EXOSC1: variants seen among roughly 807,000 people sequenced by gnomAD.
The protein encoded by EXOSC1 is exosome component 1, also known as exosome complex component CSL4.
EXOSC1 carries 27 observed loss-of-function variants against 31.4 expected under a neutral mutation model. The ratio of observed to expected loss-of-function variants is 0.86; its 90% CI spans 0.63 to 1.18. EXOSC1 has a LOEUF of 1.18. Ranked by LOEUF, EXOSC1 falls within the 50% of genes most tolerant of loss-of-function variation. EXOSC1 has a pLI of 0.00. For missense variants in EXOSC1, 228 were observed against 250.3 expected, an observed-to-expected ratio of 0.91 and a Z score of 0.60; for synonymous variants, 84 against 89.5, an observed-to-expected ratio of 0.94 and a Z score of 0.35.
chr10:97,438,092 T>C (rs942506765), intron 5 of EXOSC1, among the ~76,000 whole-genome samples: 4 of 152,116 alleles, frequency 2.6e-5, no homozygotes, highest in Non-Finnish European at 5.9e-5. Context: ...CTAGTTTTTA[T>C]ATTTTTAGTA....
chr10:97,436,392 G>C lies in EXOSC1; in HGVS notation c.*53C>G. The C allele has an allele frequency of 7.7e-7, 1 of 1,298,650 alleles. No individual in the cohort carries two copies. Among genetic ancestry groups the C allele is most frequent in the Non-Finnish European group, 1.1e-6 (1 of 900,866 alleles). 80.4% of individuals were successfully genotyped at this position (1,298,650 alleles called of 1,614,324 possible). On this transcript the variant is annotated 3_prime_UTR_variant, in exon 8 of 8. Coordinates refer to ENST00000370902, the MANE Select transcript of EXOSC1 (RefSeq NM_016046.5). ...GTTTGAATAAAGACAGCAGCATCTT[G>C]GTGTTATACTCAGGAACAGCTTACC...
Position 97,446,005 on chromosome 10 carries a change from C to A in EXOSC1, c.-20G>T. 7.4e-6 allele frequency: 12 copies of A among 1,614,252 alleles called. No homozygotes were observed. Among genetic ancestry groups the A allele is most frequent in the Non-Finnish European group, 1.0e-5 (12 of 1,180,044 alleles). On this transcript the variant is annotated 5_prime_UTR_variant, in exon 1 of 8. Coordinates refer to ENST00000370902, the MANE Select transcript of EXOSC1 (RefSeq NM_016046.5). ...CGCCATGATTGCCGCTGTCCCAAAA[C>A]CAGGATGAAAACGAAGTCGATTTCT...
chr10:97,442,896 G>A (rs1181521854), intron 3 of EXOSC1, among the ~76,000 whole-genome samples: 3 of 152,156 alleles, frequency 2.0e-5, no homozygotes, highest in East Asian at 1.9e-4. Flanking sequence ...GGCCATGATT[G>A]GCCAGGCTGG....
intron 2 of EXOSC1, 58 bp from the exon 3 acceptor site, chr10:97,443,369 T>A: frequency 6.8e-7 from 1 of 1,473,158 alleles, no homozygotes. Flanking sequence ...GTCAAGGCAT[T>A]TGTGGCTTGA....
intron 6 of EXOSC1, 62 bp from the exon 7 acceptor site, chr10:97,437,337 C>T (rs1845571984): frequency 7.4e-7 from 1 of 1,352,442 alleles, no homozygotes; most frequent in Non-Finnish European, 1.0e-6. Flanking sequence ...ACCTTAGCCA[C>T]CTGAGTTGTT....
At position 97,441,248 on chromosome 10, in the gene EXOSC1, G is replaced by A. The variant is rs1469965915; in HGVS notation, c.234C>T (p.Ile78=). The change falls in exon 4 of 8, where the codon ATC becomes ATT. Residue 78 remains isoleucine (I), a synonymous_variant. Coordinates refer to ENST00000370902, the MANE Select transcript of EXOSC1 (RefSeq NM_016046.5). ...GAIVTCKVSS[I]NSRFAKVHIL... ...TGTGTACTTTGGCAAAGCGTGAATT[G>A]ATGCTAGAGACCTGCGGAATAGAGA... The A allele has an allele frequency of 6.2e-7, 1 of 1,613,954 alleles. No individual in the cohort carries two copies. The highest frequency in any genetic ancestry group is 8.5e-7 in the Non-Finnish European group (1 of 1,179,860).
At chr10:97,440,035 C>T (rs1250020271) in intron 4 of EXOSC1, among the ~76,000 whole-genome samples, 2 of 150,062 alleles carry the variant, frequency 1.3e-5, no homozygotes, top group East Asian at 2.0e-4. Flanking sequence ...TACAATGGCA[C>T]GATCTTGGCT....
rs974121266 is a variant in EXOSC1 at position 97,443,410 on chromosome 10, T to TA, written c.148-100_148-99insT. The TA allele has an allele frequency of 4.7e-5, 49 of 1,051,064 alleles. No homozygotes were observed. In the African/African-American group the frequency reaches 7.3e-4, roughly 16 times the overall value. The allele number at this position is 1,051,064 out of a possible 1,614,324, so 65.1% of individuals were successfully genotyped here. A position where few individuals can be genotyped will look rare whatever the true frequency, so the allele number is the denominator to read the frequency against. On this transcript the variant is annotated intron_variant, in intron 2 of 7. Coordinates refer to ENST00000370902, the MANE Select transcript of EXOSC1 (RefSeq NM_016046.5). ...ATATAGGAATGTCTTGGTATAAAGG[T>TA]GAGAGTTGGAGTATGGATTCATTTA...
chr10:97,436,829 G>A (rs556959868), intron 7 of EXOSC1, among the ~76,000 whole-genome samples: 1 of 152,288 alleles, frequency 6.6e-6, no homozygotes, highest in East Asian at 1.9e-4. Context: ...TTTGAGACCA[G>A]CCTGGCCAAC....
rs147036130 is a variant in EXOSC1 at position 97,445,814 on chromosome 10, G to A, written c.65C>T (p.Pro22Leu). Residue 22 changes from proline (P) to leucine (L), a missense_variant, in exon 2 of 8, where the codon CCG becomes CTG. Coordinates refer to ENST00000370902, the MANE Select transcript of EXOSC1 (RefSeq NM_016046.5). ...GTGGCGGGTGTAGGTGCCGCTGCCC[G>A]GGCTGCCCTCCTCCAAGTTACACAG... ...ERLCNLEEGS[P>L]GSGTYTRHGY... 20 of 1,613,748 alleles carry A rather than the reference G, an allele frequency of 1.2e-5. No homozygotes were observed. Among genetic ancestry groups the A allele is most frequent in the Admixed American group, 1.7e-5 (1 of 59,996 alleles).
intron 3 of EXOSC1, 62 bp from the exon 4 acceptor site, chr10:97,441,321 A>C: frequency 2.8e-6 from 4 of 1,435,702 alleles, no homozygotes; most frequent in Non-Finnish European, 3.9e-6. Flanking sequence ...AGGAGGCAGC[A>C]ATAAACTGGG....
chr10:97,437,750 C>A lies in EXOSC1; in HGVS notation c.346G>T (p.Val116Phe), dbSNP rs751220095. The change falls in exon 6 of 8, where the codon GTT (valine) becomes TTT (phenylalanine). Residue 116 changes from valine to phenylalanine, a missense_variant and splice_region_variant. Transcript: ENST00000370902. ...EDVRATEKDKVEIYKSFRPGD... is the reference protein window; with the variant it reads ...EDVRATEKDKFEIYKSFRPGD... ...GGGCGGAAACTCTTATAAATTTCAA[C>A]CTGTAAAGAAAGAACAGGAATGTTA... is the stretch of plus-strand genomic sequence containing the variant. 3 of 1,612,748 alleles carry A rather than the reference C, an allele frequency of 1.9e-6. No homozygotes were observed. The highest frequency in any genetic ancestry group is 2.5e-6 in the Non-Finnish European group (3 of 1,179,078).
Position 97,445,807 on chromosome 10 carries a change from G to A in EXOSC1, c.72C>T (p.Ser24=). The change falls in exon 2 of 8, where the codon AGC becomes AGT. Residue 24 remains serine, a synonymous_variant. Transcript: ENST00000370902. The part of the protein sequence containing the change: ...LCNLEEGSPG[S]GTYTRHGYIF... The stretch of plus-strand genomic sequence containing the variant: ...TGTAGCCGTGGCGGGTGTAGGTGCC[G>A]CTGCCCGGGCTGCCCTCCTCCAAGT... 1 of 1,613,802 alleles carries A rather than the reference G, an allele frequency of 6.2e-7. No homozygotes were observed. Among genetic ancestry groups the A allele is most frequent in the South Asian group, 1.1e-5 (1 of 91,080 alleles).
intron 4 of EXOSC1, 134 bp from the exon 5 acceptor site, chr10:97,438,837 C>T (rs1589462883): frequency 7.5e-6 from 5 of 667,446 alleles, no homozygotes; most frequent in Middle Eastern, 7.2e-4. Context: ...CTGCAACCTC[C>T]GCCTCCTGGG....
chr10:97,439,248 C>T (rs971502297), intron 4 of EXOSC1, among the ~76,000 whole-genome samples: 4 of 152,278 alleles, frequency 2.6e-5, no homozygotes, highest in African/African-American at 7.2e-5. Flanking sequence ...TAAGGAATTT[C>T]GTTGCCTCAG....
rs1589465426 is a variant in EXOSC1 at position 97,441,294 on chromosome 10, A to T, written c.223-35T>A. On this transcript the variant is annotated intron_variant, in intron 3 of 7. Coordinates refer to ENST00000370902, the MANE Select transcript of EXOSC1 (RefSeq NM_016046.5). Reference sequence around the variant, plus strand: ...AGAGAAAAGATCAGCATCAGAGTATAAGCAGTTGTCAGCTCAAGGAGGCAG... The same window carrying T: ...AGAGAAAAGATCAGCATCAGAGTATTAGCAGTTGTCAGCTCAAGGAGGCAG... 2.5e-6 allele frequency: 4 copies of T among 1,593,002 alleles called. No homozygotes were observed. The East Asian group carries it at 8.9e-5, about 36-fold the overall frequency.
intron 5 of EXOSC1, among the ~76,000 whole-genome samples, chr10:97,438,218 T>A (rs886230875): frequency 6.6e-6 from 1 of 151,698 alleles, no homozygotes; most frequent in Non-Finnish European, 1.5e-5. Context: ...CACCCGGCCC[T>A]TTTTTCTTTT....
intron 2 of EXOSC1, chr10:97,444,238 C>T (rs1845808149): frequency 1.3e-5 from 2 of 152,202 alleles, no homozygotes. Context: ...AGAGTTTTCT[C>T]TTTGAGCATG....
chr10:97,437,677 A>G, intron 6 of EXOSC1, 23 bp downstream of exon 6: 1 of 1,610,838 alleles, frequency 6.2e-7, no homozygotes, highest in Non-Finnish European at 8.5e-7. Context: ...AAGGACCAGA[A>G]GTCTGCTGGG....
Sources: gnomAD v4.1 joint callset for allele counts (sites outside exome capture counted in the v4.1 genomes callset) on GRCh38, gnomAD v4.1.1 for gene constraint, MANE v1.5 for transcripts, NCBI Gene and HGNC (gene_info 2026-07-23, HGNC 2026-07-21) for gene names.